HCN1: variants seen among roughly 807,000 people sequenced by gnomAD.
HCN1 encodes hyperpolarization activated cyclic nucleotide gated potassium channel 1.
A neutral mutation model predicts 78.9 loss-of-function variants in HCN1; 13 were observed. The observed-to-expected ratio is 0.16, with a 90% confidence interval of 0.11 to 0.26. HCN1 has a LOEUF of 0.26. HCN1 is among the 10% of genes least tolerant of loss of function. HCN1 has a pLI of 1.00. For missense variants in HCN1, 810 were observed against 1,154.3 expected (o/e 0.70, Z 4.32); for synonymous variants, 552 against 455.5 (o/e 1.21, Z -2.70).
intron 5 of HCN1, among the ~76,000 whole-genome samples, chr5:45,326,161 C>G (rs1746229818): frequency 6.6e-6 from 1 of 151,604 alleles, no homozygotes; most frequent in African/African-American, 2.4e-5. Flanking sequence ...ATTTATATAT[C>G]ACATTGCATG....
intron 3 of HCN1, among the ~76,000 whole-genome samples, chr5:45,413,179 A>T (rs1740056331): frequency 6.6e-6 from 1 of 152,114 alleles, no homozygotes; most frequent in Non-Finnish European, 1.5e-5. Context: ...AACTTAGAGT[A>T]GGAAATAGCT....
intron 2 of HCN1, among the ~76,000 whole-genome samples, chr5:45,492,386 T>A (rs1741902246): frequency 1.2e-5 from 1 of 86,438 alleles, no homozygotes. Flanking sequence ...TAGACTTCTT[T>A]AAATGAATAT....
chr5:45,619,404 C>T (rs989462166), intron 2 of HCN1, among the ~76,000 whole-genome samples: 1 of 151,834 alleles, frequency 6.6e-6, no homozygotes, highest in African/African-American at 2.4e-5. Flanking sequence ...TTGTGTAGTG[C>T]CAGAAAATAA....
At chr5:45,347,855 T>C (rs941110033) in intron 5 of HCN1, among the ~76,000 whole-genome samples, 1 of 152,038 alleles carries the variant, frequency 6.6e-6, no homozygotes, top group Admixed American at 6.6e-5. Flanking sequence ...CCAAGAAATA[T>C]GGGATTATAT....
intron 1 of HCN1, among the ~76,000 whole-genome samples, chr5:45,682,499 T>C (rs1739723796): frequency 6.6e-6 from 1 of 151,886 alleles, no homozygotes; most frequent in Non-Finnish European, 1.5e-5. Context: ...TTGGAAATTA[T>C]ATATAAAAAC....
intron 4 of HCN1, among the ~76,000 whole-genome samples, chr5:45,385,095 T>C (rs1747885990): frequency 6.6e-6 from 1 of 152,172 alleles, no homozygotes; most frequent in South Asian, 2.1e-4. Flanking sequence ...CGATATATGC[T>C]AACACTAGTT....
chr5:45,609,140 C>T (rs528896419), intron 2 of HCN1, among the ~76,000 whole-genome samples: 12 of 152,090 alleles, frequency 7.9e-5, no homozygotes, highest in African/African-American at 1.4e-4. Context: ...AATACTGTAT[C>T]GATTTCTTGG....
rs1467417274 is a variant in HCN1, at chr5:45,258,338, C to T, written c.*3583G>A. ...TATAGGAATGACGGTAATAACTTGA[C>T]TATGTACTTTGTAGTGTCCTGAAAA... On this transcript the variant is annotated 3_prime_UTR_variant, in exon 8 of 8. Coordinates refer to ENST00000303230, the MANE Select transcript of HCN1 (RefSeq NM_021072.4). 2.0e-5 allele frequency: 3 copies of T among 152,092 alleles called. No homozygotes were observed. The highest frequency in any genetic ancestry group is 4.4e-5 in the Non-Finnish European group (3 of 67,988). The allele number at this position is 152,092 out of a possible 1,614,324, so 9.4% of individuals were successfully genotyped here.
At chr5:45,382,181 G>A (rs1201436173) in intron 4 of HCN1, among the ~76,000 whole-genome samples, 2 of 152,066 alleles carry the variant, frequency 1.3e-5, no homozygotes, top group African/African-American at 2.4e-5. Flanking sequence ...ACCCTTCTAG[G>A]AGAATAGAGT....
Position 45,257,340 on chromosome 5 carries a change from G to T in HCN1, c.*4581C>A, listed in dbSNP as rs1456531273. ...ATTGAACTGCCAGTGTTCCCAATCA[G>T]CTGTGCTCTGTTAAACATCCACATT... is the stretch of plus-strand genomic sequence containing the variant. On this transcript the variant is annotated 3_prime_UTR_variant, in exon 8 of 8. Coordinates refer to ENST00000303230, the MANE Select transcript of HCN1 (RefSeq NM_021072.4). 8 of 152,150 alleles carry T rather than the reference G, an allele frequency of 5.3e-5. No individual in the cohort carries two copies. The highest frequency in any genetic ancestry group is 5.2e-4 in the Admixed American group (8 of 15,270). 9.4% of individuals were successfully genotyped at this position (152,150 alleles called of 1,614,324 possible).
chr5:45,353,289 G>A (rs763152207), intron 4 of HCN1, 43 bp from the exon 5 acceptor site: 4 of 1,381,816 alleles, frequency 2.9e-6, no homozygotes, highest in Non-Finnish European at 4.1e-6. Flanking sequence ...ACATTGTTAG[G>A]GTGTATCAGA....
chr5:45,511,129 T>A (rs1742407340), intron 2 of HCN1, among the ~76,000 whole-genome samples: 1 of 152,070 alleles, frequency 6.6e-6, no homozygotes, highest in Admixed American at 6.6e-5. Flanking sequence ...AATGCCATTC[T>A]CCATGAGCTC....
chr5:45,404,448 T>C (rs762237508), intron 3 of HCN1, among the ~76,000 whole-genome samples: 1 of 151,986 alleles, frequency 6.6e-6, no homozygotes, highest in Non-Finnish European at 1.5e-5. Flanking sequence ...GTTTTTGTTA[T>C]TAAAAGTGTT....
intron 2 of HCN1, among the ~76,000 whole-genome samples, chr5:45,593,748 C>T (rs1744434141): frequency 1.3e-5 from 2 of 151,924 alleles, no homozygotes; most frequent in African/African-American, 4.8e-5. Context: ...AATCTCAGCT[C>T]ACTGCAACTT....
At chr5:45,556,189 A>G (rs1743465537) in intron 2 of HCN1, among the ~76,000 whole-genome samples, 2 of 152,016 alleles carry the variant, frequency 1.3e-5, no homozygotes, top group African/African-American at 4.8e-5. Flanking sequence ...ACAAGCAACC[A>G]GAGCATAAAT....
intron 2 of HCN1, among the ~76,000 whole-genome samples, chr5:45,588,343 T>C (rs1744284348): frequency 6.6e-6 from 1 of 152,178 alleles, no homozygotes; most frequent in Non-Finnish European, 1.5e-5. Flanking sequence ...TATGTTGCAT[T>C]GGCCACTCGA....
At chr5:45,694,551 C>T (rs1340148239) in intron 1 of HCN1, among the ~76,000 whole-genome samples, 1 of 152,128 alleles carries the variant, frequency 6.6e-6, no homozygotes, top group African/African-American at 2.4e-5. Flanking sequence ...CTATATTTAT[C>T]CTATAAAGAA....
At chr5:45,642,480 T>C (rs1380261047) in intron 2 of HCN1, 1 of 152,098 alleles carries the variant, frequency 6.6e-6, no homozygotes, top group Non-Finnish European at 1.5e-5. Flanking sequence ...TTGTTGAAGA[T>C]GGAAGCAGCT....
intron 1 of HCN1, among the ~76,000 whole-genome samples, chr5:45,659,484 C>T (rs1456188218): frequency 1.9e-5 from 2 of 107,736 alleles, no homozygotes; most frequent in Non-Finnish European, 3.6e-5. Flanking sequence ...GAGAAGAAGG[C>T]TTCAGATGAT....
Sources: gnomAD v4.1 joint callset for allele counts (sites outside exome capture counted in the v4.1 genomes callset) on GRCh38, gnomAD v4.1.1 for gene constraint, MANE v1.5 for transcripts, NCBI Gene and HGNC (gene_info 2026-07-23, HGNC 2026-07-21) for gene names.